Variants in ADD3 observed in about 807,000 individuals in gnomAD.
ADD3 encodes adducin 3, also known as gamma-adducin.
ADD3 carries 25 observed loss-of-function variants against 80.2 expected under a neutral mutation model. That is an observed-to-expected ratio of 0.31 (90% CI 0.23 to 0.44). The LOEUF is 0.44. ADD3 is among the 20% of genes least tolerant of loss of function. The probability of loss-of-function intolerance (pLI) is 1.00; values close to 1 mark genes in which losing one functional copy is unlikely to be tolerated. For synonymous variants in ADD3, 284 were observed against 289.6 expected (o/e 0.98, Z 0.20); for missense variants, 829 against 847.5 (o/e 0.98, Z 0.27).
intron 1 of ADD3, among the ~76,000 whole-genome samples, chr10:110,083,036 T>C (rs1306930743): frequency 6.6e-6 from 1 of 152,206 alleles, no homozygotes; most frequent in African/African-American, 2.4e-5. Flanking sequence ...AGTGAGTTAA[T>C]AAACCCTTAT....
At chr10:110,069,798 A>G (rs746393149) in intron 1 of ADD3, among the ~76,000 whole-genome samples, 1 of 152,240 alleles carries the variant, frequency 6.6e-6, no homozygotes, top group Non-Finnish European at 1.5e-5. Flanking sequence ...AATGCAGTGT[A>G]AGAACAAGCA....
chr10:110,053,049 A>G (rs765784000), intron 1 of ADD3, among the ~76,000 whole-genome samples: 1 of 152,214 alleles, frequency 6.6e-6, no homozygotes. Context: ...TGCAAACACA[A>G]TAGGAAAAAT....
chr10:110,065,916 A>G (rs1843896493), intron 1 of ADD3, among the ~76,000 whole-genome samples: 1 of 151,484 alleles, frequency 6.6e-6, no homozygotes, highest in African/African-American at 2.4e-5. Context: ...TCAAGTATGT[A>G]TTTTAGTTTA....
intron 1 of ADD3, among the ~76,000 whole-genome samples, chr10:110,049,504 C>T (rs1300067991): frequency 3.3e-5 from 5 of 152,312 alleles, no homozygotes; most frequent in South Asian, 4.1e-4. Context: ...AGGGGCGGAG[C>T]TGCTCAAGAT....
At chr10:110,043,072 A>C (rs1042095510) in intron 1 of ADD3, among the ~76,000 whole-genome samples, 1 of 152,200 alleles carries the variant, frequency 6.6e-6, no homozygotes, top group Admixed American at 6.5e-5. Context: ...GTTGACTTTG[A>C]AAACTTACTT....
chr10:110,019,208 TA>T (rs749823179), intron 1 of ADD3, among the ~76,000 whole-genome samples: 15 of 152,202 alleles, frequency 9.9e-5, no homozygotes, highest in Non-Finnish European at 1.6e-4. Context: ...AAAATTTTTG[TA>T]AAATAACATT....
At chr10:110,061,642 G>GT (rs1858902590) in intron 1 of ADD3, among the ~76,000 whole-genome samples, 1 of 152,070 alleles carries the variant, frequency 6.6e-6, no homozygotes, top group African/African-American at 2.4e-5. Context: ...CTAATTAAGG[G>GT]TTAACTATTT....
intron 1 of ADD3, among the ~76,000 whole-genome samples, chr10:110,070,683 G>C (rs1040931400): frequency 6.6e-6 from 1 of 152,046 alleles, no homozygotes; most frequent in Non-Finnish European, 1.5e-5. Flanking sequence ...ACCATTGAGT[G>C]GAAAAACACA....
chr10:110,033,197 G>C (rs979532409), intron 1 of ADD3, among the ~76,000 whole-genome samples: 2 of 152,178 alleles, frequency 1.3e-5, no homozygotes, highest in African/African-American at 4.8e-5. Flanking sequence ...TAATAAACTT[G>C]GTTTGCATTT....
chr10:110,030,623 A>T (rs950727607), intron 1 of ADD3, among the ~76,000 whole-genome samples: 5 of 151,542 alleles, frequency 3.3e-5, no homozygotes, highest in Admixed American at 2.6e-4. Context: ...AGTTCCACTG[A>T]CATTATGGTA....
chr10:110,014,845 T>C (rs1298700517), intron 1 of ADD3, among the ~76,000 whole-genome samples: 1 of 152,106 alleles, frequency 6.6e-6, no homozygotes, highest in Non-Finnish European at 1.5e-5. Flanking sequence ...CAGTTTTTAT[T>C]GTCAGAGTTG....
intron 1 of ADD3, among the ~76,000 whole-genome samples, chr10:110,010,434 C>T (rs897039223): frequency 6.6e-6 from 1 of 152,112 alleles, no homozygotes; most frequent in African/African-American, 2.4e-5. Flanking sequence ...AACTGTGTAG[C>T]GTGTTGGGGA....
chr10:110,097,479 C>T (rs1222743179), intron 1 of ADD3, among the ~76,000 whole-genome samples: 1 of 152,112 alleles, frequency 6.6e-6, no homozygotes, highest in Non-Finnish European at 1.5e-5. Flanking sequence ...TTCAGACTTA[C>T]AAAAGAGTTG....
chr10:110,074,823 A>G (rs1845200385), intron 1 of ADD3, among the ~76,000 whole-genome samples: 1 of 152,190 alleles, frequency 6.6e-6, no homozygotes, highest in Non-Finnish European at 1.5e-5. Context: ...ACACAAGCTC[A>G]TACTTTAGTT....
rs768631440 is a variant in ADD3 at position 110,025,927 on chromosome 10, GA to G, written c.-30+17638del. ...CTGTTTTTCCCTTTTCCTTAAAAAA[GA>G]AAAAAAAAATTTCATCGAATTTGGG... On this transcript the variant is annotated intron_variant, in intron 1 of 14. Coordinates refer to ENST00000356080, the MANE Select transcript of ADD3 (RefSeq NM_016824.5). 4.5e-3 allele frequency among the ~76,000 whole-genome samples: 678 copies of G among 149,154 alleles called. 2 individuals are homozygous for G. Among genetic ancestry groups the G allele is most frequent in the African/African-American group, 5.3e-3 (217 of 40,776 alleles).
intron 1 of ADD3, among the ~76,000 whole-genome samples, chr10:110,038,926 G>GTT (rs1855975873): frequency 6.6e-6 from 1 of 152,150 alleles, no homozygotes; most frequent in African/African-American, 2.4e-5. Context: ...GCTATAATAT[G>GTT]TGTAATATGA....
intron 1 of ADD3, among the ~76,000 whole-genome samples, chr10:110,014,501 C>G (rs972173667): frequency 4.6e-5 from 7 of 152,094 alleles, no homozygotes; most frequent in African/African-American, 1.7e-4. Context: ...TACCTCTTAC[C>G]TTGCCTTTCT....
intron 2 of ADD3, among the ~76,000 whole-genome samples, chr10:110,105,770 G>A (rs1484695465): frequency 2.0e-5 from 3 of 152,182 alleles, no homozygotes; most frequent in Non-Finnish European, 4.4e-5. Flanking sequence ...CTGGAAGTAA[G>A]GCCTGAGTGT....
chr10:110,106,844 T>C (rs530259379), intron 2 of ADD3, among the ~76,000 whole-genome samples: 3 of 152,260 alleles, frequency 2.0e-5, no homozygotes, highest in East Asian at 3.9e-4. Context: ...TTTAAAAGTT[T>C]ATAACATTCA....
Sources: gnomAD v4.1 joint callset for allele counts (sites outside exome capture counted in the v4.1 genomes callset) on GRCh38, gnomAD v4.1.1 for gene constraint, MANE v1.5 for transcripts, NCBI Gene and HGNC (gene_info 2026-07-23, HGNC 2026-07-21) for gene names.